The following GRHL2 variants were observed in gnomAD, a reference collection of about 807,000 sequenced individuals.
GRHL2 encodes the protein grainyhead-like protein 2 homolog.
Under a neutral mutation model 83.8 loss-of-function variants are expected in GRHL2, and 21 were observed. That is an observed-to-expected ratio of 0.25 (90% CI 0.18 to 0.36). The LOEUF is 0.36. GRHL2 is among the 10% of genes least tolerant of loss of function. The pLI, the probability that GRHL2 is intolerant of heterozygous loss-of-function variation, is 1.00. For missense variants in GRHL2, 623 were observed against 781.8 expected (o/e 0.80, Z 2.42); for synonymous variants, 280 against 278.9 (o/e 1.00, Z -0.04).
At position 101,668,714 on chromosome 8, in the gene GRHL2, A is replaced by G. The variant is rs2129789827; in HGVS notation, c.*2011A>G. 1 of 152,328 alleles carries G rather than the reference A, an allele frequency of 6.6e-6. No individual in the cohort carries two copies. The highest frequency in any genetic ancestry group is 1.5e-5 in the Non-Finnish European group (1 of 68,070). 9.4% of individuals were successfully genotyped at this position (152,328 alleles called of 1,614,324 possible). ...CAGTGTTGGAAATACATGTTGTACT[A>G]TGCACTTCCCATGCTCCTAGGGTTA... On this transcript the variant is annotated 3_prime_UTR_variant, in exon 16 of 16. Transcript: ENST00000646743.
chr8:101,593,473 T>A (rs1316264240), intron 7 of GRHL2, among the ~76,000 whole-genome samples: 3 of 152,030 alleles, frequency 2.0e-5, no homozygotes, highest in Non-Finnish European at 4.4e-5. Context: ...AAGATGTATT[T>A]TATAATTGTG....
chr8:101,494,268 G>A (rs1052348781), intron 1 of GRHL2, among the ~76,000 whole-genome samples: 4 of 152,184 alleles, frequency 2.6e-5, no homozygotes, highest in African/African-American at 7.2e-5. Context: ...GGGTGGAGGG[G>A]AAGGACTAGC....
chr8:101,649,556 G>A (rs1364946573), intron 14 of GRHL2, 57 bp downstream of exon 14: 1 of 1,324,580 alleles, frequency 7.5e-7, no homozygotes, highest in Non-Finnish European at 1.1e-6. Context: ...CTCTCCTCTG[G>A]AATCCATGTA....
At chr8:101,542,258 G>T (rs909104060) in intron 1 of GRHL2, among the ~76,000 whole-genome samples, 60 of 152,180 alleles carry the variant, frequency 3.9e-4, no homozygotes, top group African/African-American at 1.3e-3. Flanking sequence ...TCTCTCTTAG[G>T]GTTCCATTCT....
At chr8:101,643,199 G>A (rs887353130) in intron 12 of GRHL2, among the ~76,000 whole-genome samples, 4 of 151,940 alleles carry the variant, frequency 2.6e-5, no homozygotes, top group Non-Finnish European at 4.4e-5. Flanking sequence ...TGGCATCTGG[G>A]ATTGTGTCTT....
chr8:101,510,069 C>T (rs1038997714), intron 1 of GRHL2, among the ~76,000 whole-genome samples: 1 of 152,182 alleles, frequency 6.6e-6, no homozygotes, highest in Non-Finnish European at 1.5e-5. Context: ...CGGCTCACTG[C>T]AGCCTTGACC....
At chr8:101,604,149 T>G (rs913314745) in intron 8 of GRHL2, among the ~76,000 whole-genome samples, 1 of 152,172 alleles carries the variant, frequency 6.6e-6, no homozygotes, top group Non-Finnish European at 1.5e-5. Flanking sequence ...TGTGTCATAT[T>G]CTTTCACATG....
intron 9 of GRHL2, among the ~76,000 whole-genome samples, chr8:101,626,955 C>T (rs1289503467): frequency 1.3e-5 from 2 of 151,996 alleles, no homozygotes; most frequent in Admixed American, 6.6e-5. Context: ...TTGTGGTTCT[C>T]TTGAGTGGAT....
At position 101,599,133 on chromosome 8, in the gene GRHL2, C is replaced by A. The variant is rs772172966; in HGVS notation, c.1080C>A (p.Asp360Glu). 14 of 1,609,796 alleles carry A rather than the reference C, an allele frequency of 8.7e-6. No individual in the cohort carries two copies. The South Asian group carries it at 1.4e-4, about 16-fold the overall frequency. The change falls in exon 8 of 16, where the codon GAC (aspartate) becomes GAA (glutamate). Residue 360 changes from aspartate (D) to glutamate (E), a missense_variant. Asp to Glu is a conservative substitution (Grantham distance 45). This residue lies in a region of GRHL2 where 96 missense variants were observed against 144.8 expected (regional missense o/e 0.66). Transcript: ENST00000646743. ...ATAATGCTGTTTCCTTTACCTGGGA[C>A]GTGAATGAAGAGGCGAAGGTGAGTG... Reference protein sequence around the residue: ...IAYNAVSFTWDVNEEAKIFIT... With the variant: ...IAYNAVSFTWEVNEEAKIFIT...
chr8:101,518,260 A>G (rs530569746), intron 1 of GRHL2, among the ~76,000 whole-genome samples: 17 of 152,270 alleles, frequency 1.1e-4, no homozygotes, highest in African/African-American at 4.1e-4. Context: ...AATGCAAAAA[A>G]TTAGCCGGGC....
At chr8:101,538,996 G>A (rs180802358) in intron 1 of GRHL2, among the ~76,000 whole-genome samples, 1 of 152,284 alleles carries the variant, frequency 6.6e-6, no homozygotes, top group East Asian at 1.9e-4. Flanking sequence ...AAGGCTGATG[G>A]CGCTCTTAAA....
intron 1 of GRHL2, among the ~76,000 whole-genome samples, chr8:101,493,911 G>C (rs968568967): frequency 9.9e-5 from 15 of 151,912 alleles, no homozygotes; most frequent in Non-Finnish European, 1.6e-4. Context: ...TGTGCGAGCC[G>C]GGGGAGGTGG....
chr8:101,521,703 A>G (rs937168686), intron 1 of GRHL2, among the ~76,000 whole-genome samples: 1 of 152,228 alleles, frequency 6.6e-6, no homozygotes, highest in African/African-American at 2.4e-5. Context: ...ATTTAACAAG[A>G]CATAACTTCC....
At chr8:101,574,664 G>A (rs575004728) in intron 6 of GRHL2, among the ~76,000 whole-genome samples, 1 of 152,346 alleles carries the variant, frequency 6.6e-6, no homozygotes, top group Non-Finnish European at 1.5e-5. Context: ...GTGCAGGTGG[G>A]GCGCAGGTTC....
At chr8:101,552,563 C>T in intron 2 of GRHL2, 152 bp from the exon 3 acceptor site, 1 of 712,398 alleles carries the variant, frequency 1.4e-6, no homozygotes, top group Non-Finnish European at 2.6e-6. Context: ...ACTCAGGCTA[C>T]TAGCCTTTAT....
intron 5 of GRHL2, among the ~76,000 whole-genome samples, chr8:101,570,814 C>T (rs1360383077): frequency 1.3e-5 from 2 of 152,218 alleles, no homozygotes; most frequent in Admixed American, 6.5e-5. Context: ...GGTAAAGGAT[C>T]TGGCTTCTTT....
At chr8:101,520,418 C>A (rs1024471964) in intron 1 of GRHL2, among the ~76,000 whole-genome samples, 1 of 152,114 alleles carries the variant, frequency 6.6e-6, no homozygotes, top group African/African-American at 2.4e-5. Flanking sequence ...TTAAGGAAGA[C>A]CTTATAAAGA....
chr8:101,548,370 G>C (rs940763816), intron 2 of GRHL2, among the ~76,000 whole-genome samples: 1 of 152,118 alleles, frequency 6.6e-6, no homozygotes, highest in African/African-American at 2.4e-5. Flanking sequence ...GCTCAAAAAG[G>C]GGCATGTTCC....
At chr8:101,608,057 T>C (rs1406225994) in intron 8 of GRHL2, among the ~76,000 whole-genome samples, 1 of 152,258 alleles carries the variant, frequency 6.6e-6, no homozygotes, top group Non-Finnish European at 1.5e-5. Context: ...ATAAAATGAT[T>C]GTGTGTGCGT....
Sources: gnomAD v4.1 joint callset for allele counts (sites outside exome capture counted in the v4.1 genomes callset) on GRCh38, gnomAD v4.1.1 for gene constraint, gnomAD v4.1.1 regional missense constraint, MANE v1.5 for transcripts, NCBI Gene and HGNC (gene_info 2026-07-23, HGNC 2026-07-21) for gene names.